DHRS9: variants seen among roughly 807,000 people sequenced by gnomAD.
The protein encoded by DHRS9 is dehydrogenase/reductase 9.
DHRS9 carries 18 observed loss-of-function variants against 26.6 expected under a neutral mutation model. That is an observed-to-expected ratio of 0.68 (90% confidence interval 0.47 to 1.00). The LOEUF is 1.00. DHRS9 is among the 50% of genes least tolerant of loss of function. DHRS9 has a pLI of 0.00. For missense variants in DHRS9, 425 were observed against 378.7 expected (o/e 1.12, Z -1.01); for synonymous variants, 134 against 141.1 (o/e 0.95, Z 0.36).
chr2:169,079,926 A>G (rs1189341971), intron 1 of DHRS9, among the ~76,000 whole-genome samples: 66 of 6,132 alleles, frequency 0.011, 1 homozygote, highest in African/African-American at 0.017. Flanking sequence ...AGGGGGAGAG[A>G]GAGAGAGAGA....
chr2:169,095,590 C>G lies in DHRS9; in HGVS notation c.783C>G (p.Leu261=). The G allele has an allele frequency of 1.2e-6, 2 of 1,614,010 alleles. No homozygotes were observed. The highest frequency in any genetic ancestry group is 1.7e-6 in the Non-Finnish European group (2 of 1,179,916). ...KGNKSYVNMD[L]SPVVECMDHA... ...ATAAATCCTATGTGAACATGGACCT[C>G]TCTCCGGTGGTAGAGTGCATGGACC... Residue 261 remains leucine, a synonymous_variant, in exon 5 of 5, where the codon CTC becomes CTG. Coordinates refer to ENST00000674881, the MANE Select transcript of DHRS9 (RefSeq NM_001376924.1).
chr2:169,079,513 G>T (rs1055099329), intron 1 of DHRS9, among the ~76,000 whole-genome samples: 1 of 151,952 alleles, frequency 6.6e-6, no homozygotes, highest in South Asian at 2.1e-4. Flanking sequence ...AAAAATAAAT[G>T]ATTTTTGAAA....
At chr2:169,094,134 G>C (rs1489048667) in intron 4 of DHRS9, among the ~76,000 whole-genome samples, 1 of 152,184 alleles carries the variant, frequency 6.6e-6, no homozygotes, top group Non-Finnish European at 1.5e-5. Context: ...TCTAACAAAT[G>C]TGAGGTGATA....
intron 1 of DHRS9, among the ~76,000 whole-genome samples, chr2:169,078,893 G>A (rs546778027): frequency 1.4e-5 from 2 of 141,748 alleles, no homozygotes; most frequent in South Asian, 4.4e-4. Context: ...GCATGATCTC[G>A]GCTCACTACA....
intron 1 of DHRS9, 59 bp from the exon 2 acceptor site, chr2:169,081,464 T>C: frequency 1.3e-6 from 2 of 1,483,672 alleles, no homozygotes; most frequent in Non-Finnish European, 1.8e-6. Context: ...TCATCAGTCC[T>C]GGGTTATAAT....
upstream of DHRS9, chr2:169,067,252 C>T (rs1454262498): frequency 6.5e-7 from 1 of 1,535,522 alleles, no homozygotes; most frequent in Non-Finnish European, 8.7e-7. Context: ...GGACCCACCA[C>T]AGCCTGCACA....
chr2:169,085,446 A>T (rs1684322036), intron 3 of DHRS9, among the ~76,000 whole-genome samples: 1 of 152,266 alleles, frequency 6.6e-6, no homozygotes, highest in African/African-American at 2.4e-5. Flanking sequence ...AATAATACTG[A>T]TTCTTCCAAT....
chr2:169,088,960 C>T (rs936141430), intron 3 of DHRS9, among the ~76,000 whole-genome samples: 2 of 152,138 alleles, frequency 1.3e-5, no homozygotes, highest in African/African-American at 2.4e-5. Flanking sequence ...AGCTTCATTC[C>T]GTGGGAGAGA....
At chr2:169,069,287 C>T (rs944473812), upstream of DHRS9, among the ~76,000 whole-genome samples, 28 of 152,204 alleles carry the variant, frequency 1.8e-4, no homozygotes, top group South Asian at 1.0e-3. Flanking sequence ...AACCACGCAC[C>T]AGGCAGTTTA....
In DHRS9 at chr2:169,081,872, G is replaced by A; in HGVS notation, c.291G>A (p.Val97=). Residue 97 remains valine, a synonymous_variant, in exon 2 of 5, where the codon GTG becomes GTA. Coordinates refer to ENST00000674881, the MANE Select transcript of DHRS9 (RefSeq NM_001376924.1). ...ATGTCAAGAGGACTGCCCAGTGGGT[G>A]AAGAACCAAGTTGGGGAGAAAGGTG... is the stretch of plus-strand genomic sequence containing the variant. ...PENVKRTAQW[V]KNQVGEKGLW... 3 of 1,608,416 alleles carry A rather than the reference G, an allele frequency of 1.9e-6. No homozygotes were observed. The highest frequency in any genetic ancestry group is 1.1e-5 in the South Asian group (1 of 90,504).
rs974196769 is a variant in DHRS9, at chr2:169,096,115, G to A, written c.*348G>A. 7.9e-5 allele frequency: 22 copies of A among 279,918 alleles called. No individual in the cohort carries two copies. Among genetic ancestry groups the A allele is most frequent in the Non-Finnish European group, 1.5e-4 (22 of 145,918 alleles). 17.3% of individuals were successfully genotyped at this position (279,918 alleles called of 1,614,324 possible). ...TGGTCCCCAGCATTTACAGTAACTTGTGAATGTTAAGTATCATCTCTTATC... is the reference window on the plus strand; with the variant it reads ...TGGTCCCCAGCATTTACAGTAACTTATGAATGTTAAGTATCATCTCTTATC... On this transcript the variant is annotated 3_prime_UTR_variant, in exon 5 of 5. Transcript: ENST00000674881.
intron 3 of DHRS9, 56 bp downstream of exon 3, chr2:169,083,643 G>A: frequency 6.3e-7 from 1 of 1,581,820 alleles, no homozygotes; most frequent in Non-Finnish European, 8.6e-7. Context: ...TTTACTGAAT[G>A]CTTATGTACA....
At chr2:169,090,708 A>G (rs189731282) in intron 3 of DHRS9, among the ~76,000 whole-genome samples, 109 of 152,352 alleles carry the variant, frequency 7.2e-4, no homozygotes, top group African/African-American at 2.5e-3. Flanking sequence ...ACGACTATTC[A>G]TATACTGGTT....
intron 1 of DHRS9, among the ~76,000 whole-genome samples, chr2:169,079,416 T>C (rs1684072244): frequency 6.6e-6 from 1 of 152,124 alleles, no homozygotes; most frequent in Non-Finnish European, 1.5e-5. Flanking sequence ...GAAAATGCAC[T>C]AAAATATTGA....
rs966458009 is a variant in DHRS9 at position 169,079,289 on chromosome 2, T to C, written c.-59-2234T>C. Among the ~76,000 whole-genome samples the C allele has an allele frequency of 2.6e-5, 4 of 152,108 alleles. No homozygotes were observed. In the East Asian group the frequency reaches 5.8e-4, roughly 22 times the overall value. On this transcript the variant is annotated intron_variant, in intron 1 of 4. Transcript: ENST00000674881. The stretch of plus-strand genomic sequence containing the variant: ...TTTTTAATCTGAAATAGTCTGTTTC[T>C]CAAACAGCAGTAAAAATAGTGTGTG...
In DHRS9 at chr2:169,083,313, T is replaced by C. The variant is rs764108495; in HGVS notation, c.314-16T>C. ...TACTGTCTTACCACACCTCTTTTCC[T>C]TCCTCTCTGTTCTAGGTCTCTGGGG... is the stretch of plus-strand genomic sequence containing the variant. On this transcript the variant is annotated splice_polypyrimidine_tract_variant and intron_variant, in intron 2 of 4. Coordinates refer to ENST00000674881, the MANE Select transcript of DHRS9 (RefSeq NM_001376924.1). 1.2e-6 allele frequency: 2 copies of C among 1,611,156 alleles called. No individual in the cohort carries two copies. Among genetic ancestry groups the C allele is most frequent in the Admixed American group, 3.3e-5 (2 of 59,946 alleles).
intron 1 of DHRS9, chr2:169,072,821 C>A: frequency 4.6e-6 from 1 of 215,638 alleles, no homozygotes; most frequent in Non-Finnish European, 7.9e-6. Flanking sequence ...GTTCTTCCTT[C>A]TCTTTCACAC....
chr2:169,075,401 G>A (rs190577218), intron 1 of DHRS9, among the ~76,000 whole-genome samples: 106 of 152,048 alleles, frequency 7.0e-4, no homozygotes, highest in African/African-American at 2.4e-3. Flanking sequence ...TTTCTTAACT[G>A]TTTGAGAGTA....
At chr2:169,069,441 T>C, upstream of DHRS9, 1 of 985,476 alleles carries the variant, frequency 1.0e-6, no homozygotes, top group Non-Finnish European at 1.2e-6. Flanking sequence ...TTTTGAAACA[T>C]GCGACCTACA....
Sources: gnomAD v4.1 joint callset for allele counts (sites outside exome capture counted in the v4.1 genomes callset) on GRCh38, gnomAD v4.1.1 for gene constraint, MANE v1.5 for transcripts, NCBI Gene and HGNC (gene_info 2026-07-23, HGNC 2026-07-21) for gene names.